TIGD1: variants seen among roughly 807,000 people sequenced by gnomAD.
TIGD1 encodes the protein tigger transposable element derived 1.
Under a neutral mutation model 21.3 loss-of-function variants are expected in TIGD1, and 20 were observed. The observed-to-expected ratio is 0.94, with a 90% CI of 0.66 to 1.36. TIGD1 has a LOEUF of 1.36. TIGD1 is among the 40% of genes most tolerant of loss of function. The probability of loss-of-function intolerance (pLI) is 0.00; values close to 1 mark genes in which losing one functional copy is unlikely to be tolerated. For missense variants in TIGD1, 556 were observed against 350.5 expected (o/e 1.59, Z -4.68); for synonymous variants, 177 against 123.2 (o/e 1.44, Z -2.89).
In TIGD1 at chr2:232,548,353, G is replaced by C. The variant is rs921752697; in HGVS notation, c.1530C>G (p.Asp510Glu). ...CAGTAGAGCTTCTTTCAAAATTGGA[G>C]TCAATCCTCTCAAACCCTGCTGCTG... ...DKAAAGFERI[D>E]SNFERSSTVG... The change falls in exon 1 of 1, where the codon GAC (aspartate) becomes GAG (glutamate). Residue 510 changes from aspartate (D) to glutamate (E), a missense_variant. Transcript: ENST00000408957. 10 of 1,201,996 alleles carry C rather than the reference G, an allele frequency of 8.3e-6. No individual in the cohort carries two copies. The highest frequency in any genetic ancestry group is 1.5e-5 in the African/African-American group (1 of 66,908). 74.5% of individuals were successfully genotyped at this position (1,201,996 alleles called of 1,614,324 possible). A position where few individuals can be genotyped will look rare whatever the true frequency, so the allele number is the denominator to read the frequency against.
chr2:232,545,609 C>T lies in TIGD1; in HGVS notation c.*2498G>A, dbSNP rs1370894896. On this transcript the variant is annotated 3_prime_UTR_variant, in exon 1 of 1. Coordinates refer to ENST00000408957, the MANE Select transcript of TIGD1 (RefSeq NM_145702.4). ...CGTCTGCTTCCTGGCCATGCTCTCG[C>T]TCTTCATCTGTGGCACAGCTGGCAT... 6.2e-7 allele frequency: 1 copy of T among 1,614,152 alleles called. No individual in the cohort carries two copies. The highest frequency in any genetic ancestry group is 8.5e-7 in the Non-Finnish European group (1 of 1,180,028).
chr2:232,544,661 G>C lies in TIGD1; in HGVS notation c.*3446C>G. 6.4e-7 allele frequency: 1 copy of C among 1,566,342 alleles called. No individual in the cohort carries two copies. The highest frequency in any genetic ancestry group is 1.1e-5 in the South Asian group (1 of 89,900). Reference sequence around the variant, plus strand: ...AGCCAGGCACAGCAGATGAGTGCTGGAGAAGTGCCCAGGTCAGGGAGAGAG... The same window carrying C: ...AGCCAGGCACAGCAGATGAGTGCTGCAGAAGTGCCCAGGTCAGGGAGAGAG... On this transcript the variant is annotated 3_prime_UTR_variant, in exon 1 of 1. Transcript: ENST00000408957.
chr2:232,547,909 C>A lies in TIGD1; in HGVS notation c.*198G>T. 2.4e-6 allele frequency: 1 copy of A among 424,398 alleles called. No homozygotes were observed. The highest frequency in any genetic ancestry group is 4.1e-6 in the Non-Finnish European group (1 of 242,738). The allele number at this position is 424,398 out of a possible 1,614,324, so 26.3% of individuals were successfully genotyped here. ...AGCAACCTAAGGAGGTAGGTCGAGG[C>A]ATACCTCAAAGACATTGCAGGTTCA... On this transcript the variant is annotated 3_prime_UTR_variant, in exon 1 of 1. Coordinates refer to ENST00000408957, the MANE Select transcript of TIGD1 (RefSeq NM_145702.4).
rs1205297241 is a variant in TIGD1 at position 232,548,765 on chromosome 2, G to A, written c.1118C>T (p.Thr373Ile). ...TAAAATGGTGAATCCTTTCCAGAAGGTTTTCAATTTGCTTTGCCCAGATCC... is the reference window on the plus strand; with the variant it reads ...TAAAATGGTGAATCCTTTCCAGAAGATTTTCAATTTGCTTTGCCCAGATCC... ...SDGSGQSKLK[T>I]FWKGFTILDA... is the part of the protein sequence containing the mutation. The change falls in exon 1 of 1, where the codon ACC (threonine) becomes ATC (isoleucine). Residue 373 changes from threonine (T) to isoleucine (I), a missense_variant. Thr to Ile is a moderately conservative substitution (Grantham distance 89, BLOSUM62 -1). Coordinates refer to ENST00000408957, the MANE Select transcript of TIGD1 (RefSeq NM_145702.4). 1.9e-6 allele frequency: 1 copy of A among 527,100 alleles called. No homozygotes were observed. The highest frequency in any genetic ancestry group is 2.3e-5 in the Admixed American group (1 of 44,334). 32.7% of individuals were successfully genotyped at this position (527,100 alleles called of 1,614,324 possible).
In TIGD1 at chr2:232,546,056, A is replaced by G; in HGVS notation, c.*2051T>C. The stretch of plus-strand genomic sequence containing the variant: ...TCTGAAGCCCGAAGGACTGTTTTGT[A>G]TAATACCTTCGGACTTGGGACTGGC... On this transcript the variant is annotated 3_prime_UTR_variant, in exon 1 of 1. Coordinates refer to ENST00000408957, the MANE Select transcript of TIGD1 (RefSeq NM_145702.4). 1 of 408,798 alleles carries G rather than the reference A, an allele frequency of 2.4e-6. No individual in the cohort carries two copies. Among genetic ancestry groups the G allele is most frequent in the Non-Finnish European group, 4.6e-6 (1 of 215,334 alleles). 25.3% of individuals were successfully genotyped at this position (408,798 alleles called of 1,614,324 possible).
In TIGD1 at chr2:232,544,675, T is replaced by C. The variant is rs1379499338; in HGVS notation, c.*3432A>G. The C allele has an allele frequency of 3.2e-6, 5 of 1,573,036 alleles. No individual in the cohort carries two copies. The African/African-American group carries it at 6.7e-5, about 21-fold the overall frequency. ...GATGAGTGCTGGAGAAGTGCCCAGG[T>C]CAGGGAGAGAGGAGCTGGGGTCCCT... On this transcript the variant is annotated 3_prime_UTR_variant, in exon 1 of 1. Transcript: ENST00000408957.
Position 232,544,528 on chromosome 2 carries a change from C to G in TIGD1, c.*3579G>C, listed in dbSNP as rs149893884. 63 of 1,613,758 alleles carry G rather than the reference C, an allele frequency of 3.9e-5. No homozygotes were observed. In the African/African-American group the frequency reaches 8.4e-4, roughly 22 times the overall value. Reference sequence around the variant, plus strand: ...TCTGCCTGCCTCGCAGTGAACTCCTCTTCCAGCAGTGGCAGCGGCAAGGGC... The same window carrying G: ...TCTGCCTGCCTCGCAGTGAACTCCTGTTCCAGCAGTGGCAGCGGCAAGGGC... On this transcript the variant is annotated 3_prime_UTR_variant, in exon 1 of 1. Transcript: ENST00000408957.
At position 232,549,687 on chromosome 2, in the gene TIGD1, G is replaced by A. The variant is rs749442017; in HGVS notation, c.196C>T (p.Pro66Ser). ...TTTCTTATCATTCGTGTGTTCATTG[G>A]AGTAGCACTTTTAACTTCCTTCAAG... ...KFLKEVKSAT[P>S]MNTRMIRKRN... is the part of the protein sequence containing the mutation. The change falls in exon 1 of 1, where the codon CCA (proline) becomes TCA (serine). Residue 66 changes from proline to serine, a missense_variant. Pro to Ser is a moderately conservative substitution (Grantham distance 74). Transcript: ENST00000408957. The A allele has an allele frequency of 6.7e-6, 5 of 749,086 alleles. No homozygotes were observed. Among genetic ancestry groups the A allele is most frequent in the African/African-American group, 3.5e-5 (2 of 57,840 alleles). The allele number at this position is 749,086 out of a possible 1,614,324, so 46.4% of individuals were successfully genotyped here. A position where few individuals can be genotyped will look rare whatever the true frequency, so the allele number is the denominator to read the frequency against.
In TIGD1 at chr2:232,550,553, T is replaced by C. The variant is rs1290727177; in HGVS notation, c.-671A>G. On this transcript the variant is annotated 5_prime_UTR_variant, in exon 1 of 1. Coordinates refer to ENST00000408957, the MANE Select transcript of TIGD1 (RefSeq NM_145702.4). ...CCAGCTCCGCCGCTGAGTCCAGCCC[T>C]CTGCGCAGCCGCCCTGAGCTGGCGT... The C allele has an allele frequency of 1.2e-6, 1 of 850,466 alleles. No individual in the cohort carries two copies. The highest frequency in any genetic ancestry group is 1.9e-6 in the Non-Finnish European group (1 of 526,988). The allele number at this position is 850,466 out of a possible 1,614,324, so 52.7% of individuals were successfully genotyped here. A position where few individuals can be genotyped will look rare whatever the true frequency, so the allele number is the denominator to read the frequency against.
Position 232,550,548 on chromosome 2 carries a change from AG to A in TIGD1, c.-667del, listed in dbSNP as rs1559309702. The stretch of plus-strand genomic sequence containing the variant: ...AGCAGCCAGCTCCGCCGCTGAGTCC[AG>A]CCCTCTGCGCAGCCGCCCTGAGCTG... On this transcript the variant is annotated 5_prime_UTR_variant, in exon 1 of 1. Transcript: ENST00000408957. 3 of 791,936 alleles carry A rather than the reference AG, an allele frequency of 3.8e-6. No homozygotes were observed. The East Asian group carries it at 8.7e-5, about 23-fold the overall frequency. 49.1% of individuals were successfully genotyped at this position (791,936 alleles called of 1,614,324 possible).
Position 232,545,165 on chromosome 2 carries a change from G to A in TIGD1, c.*2942C>T, listed in dbSNP as rs1692101204. 6.6e-6 allele frequency among the ~76,000 whole-genome samples: 1 copy of A among 152,094 alleles called. No homozygotes were observed. Among genetic ancestry groups the A allele is most frequent in the Non-Finnish European group, 1.5e-5 (1 of 68,008 alleles). The stretch of plus-strand genomic sequence containing the variant: ...TACCAAAAATACCAAAAATTAGCTG[G>A]GTGTGGTGGCGGGCACCTGTATTCC... On this transcript the variant is annotated 3_prime_UTR_variant, in exon 1 of 1. Coordinates refer to ENST00000408957, the MANE Select transcript of TIGD1 (RefSeq NM_145702.4).
Position 232,545,561 on chromosome 2 carries a change from C to A in TIGD1, c.*2546G>T, listed in dbSNP as rs771657153. ...CCCTCAGGGGAATGAGGAGTGGTTC[C>A]TGGTGGGCCGAGTGCTGGACCGCGT... On this transcript the variant is annotated 3_prime_UTR_variant, in exon 1 of 1. Coordinates refer to ENST00000408957, the MANE Select transcript of TIGD1 (RefSeq NM_145702.4). 4.3e-6 allele frequency: 7 copies of A among 1,613,964 alleles called. No individual in the cohort carries two copies. The South Asian group carries it at 7.7e-5, about 18-fold the overall frequency.
At position 232,548,508 on chromosome 2, in the gene TIGD1, C is replaced by A; in HGVS notation, c.1375G>T (p.Glu459Ter). 1.5e-6 allele frequency: 1 copy of A among 658,010 alleles called. No homozygotes were observed. Among genetic ancestry groups the A allele is most frequent in the Non-Finnish European group, 2.7e-6 (1 of 365,876 alleles). 40.8% of individuals were successfully genotyped at this position (658,010 alleles called of 1,614,324 possible). A position where few individuals can be genotyped will look rare whatever the true frequency, so the allele number is the denominator to read the frequency against. ...QSHDKTLTDE[E>*]LFLMDAQRKW... ...CTTTGCGCATCCATAAGAAACAACT[C>A]CTCATCTGTTAAAGTTTTATCATGA... is the stretch of plus-strand genomic sequence containing the variant. The change falls in exon 1 of 1, where the codon GAG becomes TAG. Residue 459 changes from glutamate to a stop codon, truncating the protein, a stop_gained. Coordinates refer to ENST00000408957, the MANE Select transcript of TIGD1 (RefSeq NM_145702.4). LOFTEE classifies it high-confidence loss of function.
In TIGD1 at chr2:232,545,067, C is replaced by T. The variant is rs558625455; in HGVS notation, c.*3040G>A. Among the ~76,000 whole-genome samples the T allele has an allele frequency of 2.0e-5, 3 of 152,086 alleles. No individual in the cohort carries two copies. The highest frequency in any genetic ancestry group is 2.1e-4 in the South Asian group (1 of 4,816). On this transcript the variant is annotated 3_prime_UTR_variant, in exon 1 of 1. Transcript: ENST00000408957. ...ATCCCAGTACTTTGGGAGGCCGAGGCGAGTGGATCACCTGAGGTCAGGAGT... is the reference window on the plus strand; with the variant it reads ...ATCCCAGTACTTTGGGAGGCCGAGGTGAGTGGATCACCTGAGGTCAGGAGT...
rs914506374 is a variant in TIGD1 at position 232,548,369 on chromosome 2, C to G, written c.1514G>C (p.Gly505Ala). ...AAAATTGGAGTCAATCCTCTCAAAC[C>G]CTGCTGCTGCTTTATCAACTAAGTT... ...YINLVDKAAA[G>A]FERIDSNFER... Residue 505 changes from glycine to alanine, a missense_variant, in exon 1 of 1, where the codon GGG becomes GCG. Transcript: ENST00000408957. 17 of 981,060 alleles carry G rather than the reference C, an allele frequency of 1.7e-5. No homozygotes were observed. The highest frequency in any genetic ancestry group is 4.1e-5 in the Admixed American group (2 of 48,656). 60.8% of individuals were successfully genotyped at this position (981,060 alleles called of 1,614,324 possible).
rs541556303 is a variant in TIGD1 at position 232,548,260 on chromosome 2, G to A, written c.1623C>T (p.Leu541=). 3.2e-6 allele frequency: 5 copies of A among 1,542,742 alleles called. No individual in the cohort carries two copies. Among genetic ancestry groups the A allele is most frequent in the African/African-American group, 2.7e-5 (2 of 73,096 alleles). The change falls in exon 1 of 1, where the codon CTC becomes CTT. Residue 541 remains leucine (L), a synonymous_variant. Coordinates refer to ENST00000408957, the MANE Select transcript of TIGD1 (RefSeq NM_145702.4). Reference sequence around the variant, plus strand: ...AAGACATCGGTGAAGCTTTTCGCATGAGTTGACTCTTCCTTTCATGAAAGA... The same window carrying A: ...AAGACATCGGTGAAGCTTTTCGCATAAGTTGACTCTTCCTTTCATGAAAGA... ...REIFHERKSQ[L]MRKASPMSYF... is the part of the protein sequence containing the mutation.
At position 232,544,622 on chromosome 2, in the gene TIGD1, G is replaced by T; in HGVS notation, c.*3485C>A. 1.3e-6 allele frequency: 2 copies of T among 1,575,940 alleles called. No individual in the cohort carries two copies. Among genetic ancestry groups the T allele is most frequent in the Non-Finnish European group, 1.7e-6 (2 of 1,147,030 alleles). Reference sequence around the variant, plus strand: ...GTGCCTGGGGACAGTCCTCCCCTGGGACCCCAGCTGGGGAGCCAGGCACAG... The same window carrying T: ...GTGCCTGGGGACAGTCCTCCCCTGGTACCCCAGCTGGGGAGCCAGGCACAG... On this transcript the variant is annotated 3_prime_UTR_variant, in exon 1 of 1. Transcript: ENST00000408957.
In TIGD1 at chr2:232,544,468, G is replaced by C. The variant is rs147318482; in HGVS notation, c.*3639C>G. On this transcript the variant is annotated 3_prime_UTR_variant, in exon 1 of 1. Coordinates refer to ENST00000408957, the MANE Select transcript of TIGD1 (RefSeq NM_145702.4). ...AGTCCCGGCTACAGAATGGCTCCTC[G>C]GGATGGTCGATCACAACTGGGGAGG... The C allele has an allele frequency of 1.9e-6, 3 of 1,613,700 alleles. No individual in the cohort carries two copies. The highest frequency in any genetic ancestry group is 3.3e-5 in the Admixed American group (2 of 60,028).
chr2:232,545,647 C>T lies in TIGD1; in HGVS notation c.*2460G>A. 1 of 1,614,208 alleles carries T rather than the reference C, an allele frequency of 6.2e-7. No homozygotes were observed. Among genetic ancestry groups the T allele is most frequent in the Non-Finnish European group, 8.5e-7 (1 of 1,180,038 alleles). On this transcript the variant is annotated 3_prime_UTR_variant, in exon 1 of 1. Transcript: ENST00000408957. ...GCACAGCTGGCATCTTCCTCATGGCCCACTACAACCGGGTGCCGGCCCTGC... is the reference window on the plus strand; with the variant it reads ...GCACAGCTGGCATCTTCCTCATGGCTCACTACAACCGGGTGCCGGCCCTGC...
Sources: gnomAD v4.1 joint callset for allele counts (sites outside exome capture counted in the v4.1 genomes callset) on GRCh38, gnomAD v4.1.1 for gene constraint, MANE v1.5 for transcripts, NCBI Gene and HGNC (gene_info 2026-07-23, HGNC 2026-07-21) for gene names.